ANKRD27: variants seen among roughly 807,000 people sequenced by gnomAD.
ANKRD27 encodes the protein ankyrin repeat domain 27.
A neutral mutation model predicts 129.7 loss-of-function variants in ANKRD27; 112 were observed. The observed-to-expected ratio is 0.86, with a 90% confidence interval of 0.74 to 1.01. The LOEUF is 1.01. Among genes scored for constraint, ANKRD27 ranks in the 50% least tolerant of loss-of-function variants. The pLI, the probability that ANKRD27 is intolerant of heterozygous loss-of-function variation, is 0.00. For synonymous variants in ANKRD27, 516 were observed against 511.2 expected, an observed-to-expected ratio of 1.01 and a Z score of -0.13; for missense variants, 1,258 against 1,300.5, an observed-to-expected ratio of 0.97 and a Z score of 0.50.
intron 22 of ANKRD27, among the ~76,000 whole-genome samples, chr19:32,614,250 T>A (rs1023583538): frequency 3.3e-5 from 5 of 152,146 alleles, no homozygotes; most frequent in Admixed American, 2.0e-4. Flanking sequence ...ACATAGACTT[T>A]ATTGTCTGTG....
chr19:32,632,584 C>CAA (rs531083631), intron 12 of ANKRD27, among the ~76,000 whole-genome samples: 54 of 105,196 alleles, frequency 5.1e-4, no homozygotes, highest in Middle Eastern at 5.1e-3. Context: ...GACTCCATCT[C>CAA]AAAAAAAAAA....
At chr19:32,613,184 G>A (rs1971858920) in intron 22 of ANKRD27, among the ~76,000 whole-genome samples, 1 of 152,154 alleles carries the variant, frequency 6.6e-6, no homozygotes, top group Non-Finnish European at 1.5e-5. Flanking sequence ...CTGTTCAACA[G>A]CATCAGCCAT....
intron 2 of ANKRD27, among the ~76,000 whole-genome samples, chr19:32,653,043 T>A (rs1967449467): frequency 6.6e-6 from 1 of 152,210 alleles, no homozygotes; most frequent in Non-Finnish European, 1.5e-5. Context: ...ACTCCACAAC[T>A]GCCCACGCTG....
intron 15 of ANKRD27, 140 bp from the exon 16 acceptor site, chr19:32,626,967 A>G: frequency 1.7e-6 from 1 of 588,322 alleles, no homozygotes; most frequent in Non-Finnish European, 3.0e-6. Context: ...CTAGAGAGGA[A>G]CTACAGCTAA....
chr19:32,639,404 T>G lies in ANKRD27; in HGVS notation c.1068A>C (p.Glu356Asp). ...DELGYCLTSF[E>D]AAIEYIRQGS... ...CTTGCCGAATATATTCAATGGCAGC[T>G]TCGAATGAGGTCAGGCAGTATCCCA... is the stretch of plus-strand genomic sequence containing the variant. The change falls in exon 12 of 29, where the codon GAA (glutamate) becomes GAC (aspartate). Residue 356 changes from glutamate (E) to aspartate (D), a missense_variant. Physicochemically the swap from Glu to Asp is conservative, Grantham distance 45. Transcript: ENST00000306065. 1 of 1,614,218 alleles carries G rather than the reference T, an allele frequency of 6.2e-7. No individual in the cohort carries two copies. The highest frequency in any genetic ancestry group is 8.5e-7 in the Non-Finnish European group (1 of 1,180,040).
chr19:32,654,089 A>G (rs2145312892), intron 2 of ANKRD27, among the ~76,000 whole-genome samples: 1 of 152,190 alleles, frequency 6.6e-6, no homozygotes, highest in South Asian at 2.1e-4. Flanking sequence ...TTTAGTAGAG[A>G]TAGGGTTTCA....
Position 32,644,595 on chromosome 19 carries a change from C to CACT in ANKRD27, c.371-119_371-117dup, listed in dbSNP as rs1218984937. The CACT allele has an allele frequency of 3.3e-6, 4 of 1,228,990 alleles. No homozygotes were observed. In the East Asian group the frequency reaches 7.0e-5, roughly 22 times the overall value. The allele number at this position is 1,228,990 out of a possible 1,614,324, so 76.1% of individuals were successfully genotyped here. On this transcript the variant is annotated intron_variant, in intron 4 of 28. Coordinates refer to ENST00000306065, the MANE Select transcript of ANKRD27 (RefSeq NM_032139.3). The stretch of plus-strand genomic sequence containing the variant: ...GAGGGCAAATGTCCTTATTTCAAGA[C>CACT]ACTACACAAGAACAGCCCAGTTACA...
chr19:32,619,120 C>T, intron 20 of ANKRD27, 140 bp downstream of exon 20: 1 of 1,202,346 alleles, frequency 8.3e-7, no homozygotes, highest in Non-Finnish European at 1.2e-6. Context: ...CAACCTCGGC[C>T]ACCACAGAGC....
intron 4 of ANKRD27, 56 bp from the exon 5 acceptor site, chr19:32,644,535 T>G: frequency 6.3e-7 from 1 of 1,594,318 alleles, no homozygotes; most frequent in Non-Finnish European, 8.6e-7. Context: ...TTCCTGACTC[T>G]GTCCTATCCT....
chr19:32,635,565 A>C (rs562036596), intron 12 of ANKRD27, among the ~76,000 whole-genome samples: 2 of 152,302 alleles, frequency 1.3e-5, no homozygotes, highest in Admixed American at 1.3e-4. Context: ...TCAGCCTCCC[A>C]GAGTGCTGGG....
At chr19:32,635,078 G>A (rs757038176) in intron 12 of ANKRD27, among the ~76,000 whole-genome samples, 3 of 152,214 alleles carry the variant, frequency 2.0e-5, no homozygotes, top group Non-Finnish European at 4.4e-5. Flanking sequence ...ACAACCTGGT[G>A]AAGGCCTCCA....
chr19:32,617,242 A>G (rs1971933927), intron 21 of ANKRD27, among the ~76,000 whole-genome samples: 1 of 152,180 alleles, frequency 6.6e-6, no homozygotes, highest in Non-Finnish European at 1.5e-5. Context: ...CAAGCTTTTT[A>G]TAATAAAAAG....
rs567934402 is a variant in ANKRD27, at chr19:32,653,692, G to C, written c.103-3900C>G. 2.7e-5 allele frequency among the ~76,000 whole-genome samples: 4 copies of C among 149,592 alleles called. No homozygotes were observed. In the East Asian group the frequency reaches 8.3e-4, roughly 31 times the overall value. On this transcript the variant is annotated intron_variant, in intron 2 of 28. Coordinates refer to ENST00000306065, the MANE Select transcript of ANKRD27 (RefSeq NM_032139.3). ...TGGATGTGGGGGCATCCCCACAAAA[G>C]GAGCACCTGCGAAGGAAGGCGCTTC... is the stretch of plus-strand genomic sequence containing the variant.
At chr19:32,628,922 TC>T (rs1966940389) in intron 13 of ANKRD27, 73 bp from the exon 14 acceptor site, 1 of 1,574,628 alleles carries the variant, frequency 6.4e-7, no homozygotes, top group African/African-American at 1.4e-5. Flanking sequence ...TTTTTGAGAG[TC>T]CTTTTTGGTT....
At chr19:32,665,948 G>C (rs181187680) in intron 1 of ANKRD27, among the ~76,000 whole-genome samples, 134 of 151,204 alleles carry the variant, frequency 8.9e-4, no homozygotes, top group African/African-American at 3.2e-3. Context: ...TGTATTTTTT[G>C]GTAGAGACGG....
At chr19:32,603,989 C>A (rs1031780937) in intron 25 of ANKRD27, among the ~76,000 whole-genome samples, 1 of 149,462 alleles carries the variant, frequency 6.7e-6, no homozygotes, top group African/African-American at 2.5e-5. Context: ...CGGACCACAG[C>A]CCTACTGCTA....
chr19:32,631,207 G>A (rs990403438), intron 13 of ANKRD27, among the ~76,000 whole-genome samples, 195 bp downstream of exon 13: 2 of 151,646 alleles, frequency 1.3e-5, no homozygotes, highest in African/African-American at 2.4e-5. Context: ...TAGTAGAGGC[G>A]GCTGTTGCAC....
Position 32,643,165 on chromosome 19 carries a change from T to C in ANKRD27, c.740A>G (p.Gln247Arg). 1 of 1,614,092 alleles carries C rather than the reference T, an allele frequency of 6.2e-7. No homozygotes were observed. The highest frequency in any genetic ancestry group is 8.5e-7 in the Non-Finnish European group (1 of 1,180,026). The change falls in exon 9 of 29, where the codon CAA becomes CGA. Residue 247 changes from glutamine to arginine, a missense_variant. Physicochemically the swap from Gln to Arg is conservative, Grantham distance 43. Transcript: ENST00000306065. ...AAFNKITRSL[Q>R]DLQQKDIGVK... The stretch of plus-strand genomic sequence containing the variant: ...ACCAATATCTTTCTGCTGAAGATCT[T>C]GAAGGCTTCTTGTGATTTTGTTAAA...
chr19:32,605,801 G>A, intron 24 of ANKRD27, 34 bp downstream of exon 24: 1 of 1,609,678 alleles, frequency 6.2e-7, no homozygotes, highest in South Asian at 1.1e-5. Flanking sequence ...AACTGGCGCA[G>A]GTGTGTAGAA....
Sources: gnomAD v4.1 joint callset for allele counts (sites outside exome capture counted in the v4.1 genomes callset) on GRCh38, gnomAD v4.1.1 for gene constraint, MANE v1.5 for transcripts, NCBI Gene and HGNC (gene_info 2026-07-23, HGNC 2026-07-21) for gene names.